The following ZNF704 variants were observed in gnomAD, a reference collection of about 807,000 sequenced individuals.
The protein encoded by ZNF704 is glucocorticoid induced gene 1.
ZNF704 carries 10 observed loss-of-function variants against 44.7 expected under a neutral mutation model. That is an observed-to-expected ratio of 0.22 (90% CI 0.14 to 0.38). The LOEUF (loss-of-function observed/expected upper bound fraction) is 0.38. Ranked by LOEUF, ZNF704 falls within the 10% of genes least tolerant of loss-of-function variation. The probability of loss-of-function intolerance (pLI) is 1.00; values close to 1 mark genes in which losing one functional copy is unlikely to be tolerated. For synonymous variants in ZNF704, 211 were observed against 207.6 expected, an observed-to-expected ratio of 1.02 and a Z score of -0.14; for missense variants, 390 against 545.5, an observed-to-expected ratio of 0.71 and a Z score of 2.84.
chr8:80,714,001 T>C (rs1819033624), intron 2 of ZNF704, among the ~76,000 whole-genome samples: 1 of 152,228 alleles, frequency 6.6e-6, no homozygotes, highest in South Asian at 2.1e-4. Context: ...CTGCTACTTT[T>C]TCCTGTATAC....
intron 2 of ZNF704, among the ~76,000 whole-genome samples, chr8:80,744,943 AAAAC>A (rs1017369425): frequency 1.3e-5 from 2 of 152,250 alleles, no homozygotes; most frequent in African/African-American, 2.4e-5. Flanking sequence ...AAAGTAATAC[AAAAC>A]AAACAGAAAT....
chr8:80,810,566 G>C (rs1808065281), intron 2 of ZNF704, among the ~76,000 whole-genome samples: 1 of 152,028 alleles, frequency 6.6e-6, no homozygotes, highest in South Asian at 2.1e-4. Context: ...TGTTTGAACT[G>C]CTCTAATAGT....
At chr8:80,654,292 T>C (rs1363271586) in intron 7 of ZNF704, among the ~76,000 whole-genome samples, 2 of 152,330 alleles carry the variant, frequency 1.3e-5, no homozygotes, top group Non-Finnish European at 2.9e-5. Context: ...AAGGACTTCA[T>C]GTCTAAAACA....
intron 4 of ZNF704, among the ~76,000 whole-genome samples, chr8:80,676,589 G>T (rs150027676): frequency 1.3e-5 from 2 of 152,310 alleles, no homozygotes; most frequent in East Asian, 1.9e-4. Context: ...CAGGAAGTGG[G>T]GTCAGAACTG....
At chr8:80,771,401 A>G (rs1038400850) in intron 2 of ZNF704, among the ~76,000 whole-genome samples, 2 of 152,136 alleles carry the variant, frequency 1.3e-5, no homozygotes, top group African/African-American at 4.8e-5. Context: ...TTTTTAGCAT[A>G]TAAGTCCTGT....
At chr8:80,741,370 T>C (rs1333167069) in intron 2 of ZNF704, among the ~76,000 whole-genome samples, 2 of 152,208 alleles carry the variant, frequency 1.3e-5, no homozygotes, top group African/African-American at 4.8e-5. Flanking sequence ...CTAGGAGTCC[T>C]TACACAGGTC....
At chr8:80,817,502 T>G (rs1301681562) in intron 2 of ZNF704, among the ~76,000 whole-genome samples, 2 of 152,190 alleles carry the variant, frequency 1.3e-5, no homozygotes, top group African/African-American at 4.8e-5. Context: ...TGCATCTCCC[T>G]CCTGTCCTTG....
At chr8:80,648,398 T>C (rs552603281) in intron 7 of ZNF704, among the ~76,000 whole-genome samples, 1 of 152,332 alleles carries the variant, frequency 6.6e-6, no homozygotes, top group East Asian at 1.9e-4. Flanking sequence ...GTGAGTTTTT[T>C]CTTCAGACTT....
At chr8:80,755,117 A>G (rs1433756096) in intron 2 of ZNF704, among the ~76,000 whole-genome samples, 3 of 152,190 alleles carry the variant, frequency 2.0e-5, no homozygotes, top group African/African-American at 7.2e-5. Flanking sequence ...GCATGCACTC[A>G]ACTTCCAGGA....
chr8:80,631,850 T>C lies in ZNF704; in HGVS notation c.*9516A>G, dbSNP rs1035542147. ...CTGACTGAGCCTTACATCCCAGTTATAGTAATATTTATCCCCTTGCACCTT... is the reference window on the plus strand; with the variant it reads ...CTGACTGAGCCTTACATCCCAGTTACAGTAATATTTATCCCCTTGCACCTT... On this transcript the variant is annotated 3_prime_UTR_variant, in exon 9 of 9. Coordinates refer to ENST00000327835, the MANE Select transcript of ZNF704 (RefSeq NM_001033723.3). 2 of 152,212 alleles carry C rather than the reference T, an allele frequency of 1.3e-5. No individual in the cohort carries two copies. The highest frequency in any genetic ancestry group is 2.9e-5 in the Non-Finnish European group (2 of 68,048). The allele number at this position is 152,212 out of a possible 1,614,324, so 9.4% of individuals were successfully genotyped here.
chr8:80,633,776 C>G lies in ZNF704; in HGVS notation c.*7590G>C, dbSNP rs1175621607. 6.6e-6 allele frequency: 1 copy of G among 152,216 alleles called. No homozygotes were observed. 9.4% of individuals were successfully genotyped at this position (152,216 alleles called of 1,614,324 possible). A position where few individuals can be genotyped will look rare whatever the true frequency, so the allele number is the denominator to read the frequency against. Reference sequence around the variant, plus strand: ...ATTACATACGTGAAAGGGTCAGTGACTATCCCAACACCATCAGGACTCTGA... The same window carrying G: ...ATTACATACGTGAAAGGGTCAGTGAGTATCCCAACACCATCAGGACTCTGA... On this transcript the variant is annotated 3_prime_UTR_variant, in exon 9 of 9. Coordinates refer to ENST00000327835, the MANE Select transcript of ZNF704 (RefSeq NM_001033723.3).
In ZNF704 at chr8:80,718,363, T is replaced by G. The variant is rs185697467; in HGVS notation, c.222-25256A>C. ...TGGAAGGCTAAATCATTCTTCTCTG[T>G]TTCTCACTCCTCCCTGTCTCCATCC... On this transcript the variant is annotated intron_variant, in intron 2 of 8. Transcript: ENST00000327835. 3.0e-4 allele frequency among the ~76,000 whole-genome samples: 45 copies of G among 149,632 alleles called. No homozygotes were observed. In the East Asian group the frequency reaches 8.3e-3, roughly 28 times the overall value.
chr8:80,850,489 G>C lies in ZNF704; in HGVS notation c.-22+24082C>G, dbSNP rs77444392. ...GTTGCTGGCAGACACAAGGCTGATG[G>C]GGTTCTGGCACTAACACCAGGCTCC... On this transcript the variant is annotated intron_variant, in intron 1 of 8. Transcript: ENST00000327835. Among the ~76,000 whole-genome samples, 450 of 152,184 alleles carry C rather than the reference G, an allele frequency of 3.0e-3. 1 individual carries two copies. The highest frequency in any genetic ancestry group is 0.01 in the African/African-American group (427 of 41,498).
chr8:80,705,600 TTG>T (rs560580852), intron 2 of ZNF704, among the ~76,000 whole-genome samples: 66 of 150,952 alleles, frequency 4.4e-4, no homozygotes, highest in Non-Finnish European at 7.1e-4. Flanking sequence ...GTGTATGCAT[TTG>T]TGTGTGTGTG....
At chr8:80,865,354 G>A (rs1809136978) in intron 1 of ZNF704, among the ~76,000 whole-genome samples, 1 of 152,196 alleles carries the variant, frequency 6.6e-6, no homozygotes, top group African/African-American at 2.4e-5. Flanking sequence ...AGTGAGTGGA[G>A]AAGCTAGAAT....
At chr8:80,849,140 A>C (rs565875970) in intron 1 of ZNF704, among the ~76,000 whole-genome samples, 2 of 152,338 alleles carry the variant, frequency 1.3e-5, no homozygotes, top group South Asian at 4.1e-4. Context: ...TAAATATAAT[A>C]AGAACTCAGT....
chr8:80,752,983 T>C (rs996107792), intron 2 of ZNF704, among the ~76,000 whole-genome samples: 6 of 152,222 alleles, frequency 3.9e-5, no homozygotes, highest in Non-Finnish European at 7.3e-5. Context: ...AGCTGGCTGG[T>C]AGACAGTAGC....
chr8:80,652,430 T>C (rs1269134466), intron 7 of ZNF704, among the ~76,000 whole-genome samples: 4 of 149,098 alleles, frequency 2.7e-5, no homozygotes, highest in Admixed American at 1.3e-4. Context: ...GCAAGACTAA[T>C]AAAGAAGAAA....
intron 2 of ZNF704, among the ~76,000 whole-genome samples, chr8:80,771,018 C>A (rs1196839848): frequency 2.0e-5 from 3 of 152,126 alleles, no homozygotes; most frequent in Non-Finnish European, 4.4e-5. Flanking sequence ...TTGTCAAAAA[C>A]CAGTTAGGCT....
Sources: gnomAD v4.1 joint callset for allele counts (sites outside exome capture counted in the v4.1 genomes callset) on GRCh38, gnomAD v4.1.1 for gene constraint, MANE v1.5 for transcripts, NCBI Gene and HGNC (gene_info 2026-07-23, HGNC 2026-07-21) for gene names.